Variants in VWF observed in about 807,000 individuals in gnomAD.
VWF encodes the protein von Willebrand factor, also known as Factor VIII related antigen.
In VWF, 176 loss-of-function variants were observed where a neutral mutation model predicts 308.6. That is an observed-to-expected ratio of 0.57 (90% CI 0.50 to 0.65). The LOEUF is 0.65. VWF is among the 30% of genes least tolerant of loss of function. The probability of loss-of-function intolerance (pLI) is 0.00; values close to 1 mark genes in which losing one functional copy is unlikely to be tolerated. For missense variants in VWF, 3,146 were observed against 3,648.2 expected (o/e 0.86, Z 3.55); for synonymous variants, 1,385 against 1,443.4 (o/e 0.96, Z 0.92).
chr12:5,981,689 G>T, intron 42 of VWF, 97 bp downstream of exon 42: 3 of 1,337,846 alleles, frequency 2.2e-6, no homozygotes, highest in Non-Finnish European at 3.2e-6. Flanking sequence ...ATGGGTAGGT[G>T]GATGGATGAA....
At chr12:6,036,242 G>T in intron 19 of VWF, 146 bp downstream of exon 19, 1 of 716,036 alleles carries the variant, frequency 1.4e-6, no homozygotes. Context: ...TTTACAGATG[G>T]AGAAACACAG....
intron 20 of VWF, among the ~76,000 whole-genome samples, chr12:6,033,591 C>G (rs1249850932): frequency 6.6e-6 from 1 of 152,234 alleles, no homozygotes; most frequent in Admixed American, 6.5e-5. Flanking sequence ...TCTGGGAAAG[C>G]TCTAAAGGGG....
chr12:5,997,301 G>A (rs1017905186), intron 34 of VWF, among the ~76,000 whole-genome samples: 1 of 152,122 alleles, frequency 6.6e-6, no homozygotes, highest in Non-Finnish European at 1.5e-5. Context: ...TCCCCAACAC[G>A]CAGCTGTTGA....
rs752414005 is a variant in VWF, at chr12:5,991,992, A to T, written c.6625T>A (p.Tyr2209Asn). ...GGACAGCCATGCTCACAGTGGTTGT[A>T]GACCAGAGATGGTGGGCATGACATA... is the stretch of plus-strand genomic sequence containing the variant. ...CAMSCPPSLV[Y>N]NHCEHGCPRH... Residue 2209 changes from tyrosine (Y) to asparagine (N), a missense_variant, in exon 38 of 52, where the codon TAC becomes AAC. By Grantham distance (143) the Tyr-to-Asn change is moderately radical (BLOSUM62 -2). Around this residue, in one of 3 missense-constraint regions of VWF, gnomAD observed 989 missense variants for 1,117.4 expected, o/e 0.89. Transcript: ENST00000261405. 6.2e-7 allele frequency: 1 copy of T among 1,614,230 alleles called. No individual in the cohort carries two copies. Among genetic ancestry groups the T allele is most frequent in the Non-Finnish European group, 8.5e-7 (1 of 1,180,048 alleles).
intron 10 of VWF, among the ~76,000 whole-genome samples, chr12:6,069,857 C>G (rs1056094268): frequency 6.6e-6 from 1 of 152,202 alleles, no homozygotes; most frequent in Non-Finnish European, 1.5e-5. Context: ...CCCCAGAAAA[C>G]AGTCCATCAT....
At chr12:5,949,502 T>C (rs71581033) in intron 51 of VWF, among the ~76,000 whole-genome samples, 7,791 of 152,298 alleles carry the variant, frequency 0.051, 602 homozygotes, top group African/African-American at 0.16. Flanking sequence ...ATTTTATATA[T>C]GTTTGACTGA....
chr12:6,082,892 A>G (rs920701134), intron 6 of VWF, among the ~76,000 whole-genome samples: 2 of 152,172 alleles, frequency 1.3e-5, no homozygotes, highest in Non-Finnish European at 2.9e-5. Flanking sequence ...CCAAACCACA[A>G]ATTACAGTTT....
chr12:6,088,696 G>A (rs2136490297), intron 6 of VWF, among the ~76,000 whole-genome samples: 1 of 152,216 alleles, frequency 6.6e-6, no homozygotes, highest in South Asian at 2.1e-4. Flanking sequence ...TGATCTAAGG[G>A]TCTTTCTTTC....
chr12:5,980,796 T>G (rs537830809), intron 42 of VWF, among the ~76,000 whole-genome samples: 10 of 152,250 alleles, frequency 6.6e-5, no homozygotes, highest in Non-Finnish European at 1.2e-4. Flanking sequence ...GAGAGATGAC[T>G]GCAGCTTGTC....
At chr12:5,967,779 T>C (rs1016575795) in intron 46 of VWF, among the ~76,000 whole-genome samples, 177 bp from the exon 47 acceptor site, 1 of 152,054 alleles carries the variant, frequency 6.6e-6, no homozygotes, top group Non-Finnish European at 1.5e-5. Context: ...AGTATCAAGA[T>C]GGTAAGAGTG....
At chr12:6,006,552 C>A (rs1943928891) in intron 34 of VWF, among the ~76,000 whole-genome samples, 1 of 152,200 alleles carries the variant, frequency 6.6e-6, no homozygotes, top group South Asian at 2.1e-4. Context: ...CTGAGGTAGG[C>A]AGATCATGAG....
intron 18 of VWF, among the ~76,000 whole-genome samples, chr12:6,041,437 T>A (rs868377431): frequency 1.3e-5 from 2 of 148,680 alleles, no homozygotes; most frequent in East Asian, 2.0e-4. Context: ...CTCAAAAAAA[T>A]TTTTAAAAAA....
intron 15 of VWF, among the ~76,000 whole-genome samples, chr12:6,055,477 C>CCCTA (rs1944566426): frequency 6.6e-6 from 1 of 152,118 alleles, no homozygotes; most frequent in Non-Finnish European, 1.5e-5. Flanking sequence ...TTGTCCCAGC[C>CCCTA]CCTAGCCTGT....
chr12:5,948,942 G>C lies in VWF; in HGVS notation c.*73C>G. The C allele has an allele frequency of 6.6e-7, 1 of 1,521,736 alleles. No individual in the cohort carries two copies. The highest frequency in any genetic ancestry group is 1.9e-5 in the Admixed American group (1 of 52,886). 94.3% of individuals were successfully genotyped at this position (1,521,736 alleles called of 1,614,324 possible). The stretch of plus-strand genomic sequence containing the variant: ...AGGGCACAAGAGCAGAACATGCAGA[G>C]GACTGGCAGCACTCTGGCCTGGCCA... On this transcript the variant is annotated 3_prime_UTR_variant, in exon 52 of 52. Transcript: ENST00000261405. This position sits in a 1 kb window ranked among gnomAD's most constrained non-coding sequence, Gnocchi z 4.4.
In VWF at chr12:6,030,549, G is replaced by A. The variant is rs116352286; in HGVS notation, c.2820+895C>T. On this transcript the variant is annotated intron_variant, in intron 21 of 51. Transcript: ENST00000261405. ...AGCGGATCCAAAACTGTGGCCTGGG[G>A]ATGACCTGCAACTTTAAACACAGGT... Among the ~76,000 whole-genome samples, 545 of 152,282 alleles carry A rather than the reference G, an allele frequency of 3.6e-3. 4 individuals are homozygous for A. Among genetic ancestry groups the A allele is most frequent in the African/African-American group, 0.012 (496 of 41,558 alleles).
intron 5 of VWF, among the ~76,000 whole-genome samples, chr12:6,104,459 G>A (rs554368002): frequency 2.6e-5 from 4 of 151,934 alleles, no homozygotes; most frequent in East Asian, 3.9e-4. Context: ...AGGCTGAGGC[G>A]GGCGTATCAC....
intron 47 of VWF, among the ~76,000 whole-genome samples, chr12:5,965,522 C>T (rs1943392407): frequency 6.6e-6 from 1 of 152,194 alleles, no homozygotes; most frequent in African/African-American, 2.4e-5. Flanking sequence ...ACCTCTCTTC[C>T]TCATGCTTTC....
intron 6 of VWF, among the ~76,000 whole-genome samples, chr12:6,092,602 T>TGAG (rs1301880363): frequency 1.4e-4 from 7 of 50,998 alleles, no homozygotes; most frequent in Non-Finnish European, 2.3e-4. Flanking sequence ...GCCCAGCTAG[T>TGAG]TAGTGAGTGA....
At chr12:6,016,702 C>A in intron 29 of VWF, 46 bp from the exon 30 acceptor site, 1 of 1,614,246 alleles carries the variant, frequency 6.2e-7, no homozygotes. Flanking sequence ...CAAGTAGAGC[C>A]ACAAAAAGAG....
Sources: allele counts gnomAD v4.1 joint callset (sites outside exome capture counted in the v4.1 genomes callset), GRCh38; gene constraint gnomAD v4.1.1; regional missense constraint gnomAD v4.1.1; non-coding constraint Gnocchi (gnomAD v3.1); transcripts MANE v1.5; gene names NCBI Gene and HGNC (gene_info 2026-07-23, HGNC 2026-07-21).